The following ACSM4 variants were observed in gnomAD, a reference collection of about 807,000 sequenced individuals.
ACSM4 encodes acyl-CoA synthetase medium chain family member 4.
In ACSM4, 66 loss-of-function variants were observed where a neutral mutation model predicts 73.0. The observed-to-expected ratio is 0.90, with a 90% confidence interval of 0.74 to 1.11. The LOEUF is 1.11. Ranked by LOEUF, ACSM4 falls within the 50% of genes least tolerant of loss-of-function variation. ACSM4 has a pLI of 0.00. For synonymous variants in ACSM4, 222 were observed against 254.0 expected (o/e 0.87, Z 1.20); for missense variants, 645 against 714.4 (o/e 0.90, Z 1.11).
chr12:7,305,277 T>C (rs892356493), intron 1 of ACSM4, among the ~76,000 whole-genome samples: 1 of 152,256 alleles, frequency 6.6e-6, no homozygotes, highest in Non-Finnish European at 1.5e-5. Context: ...GTTTTCAGCA[T>C]ATTTATTTTT....
At chr12:7,324,208 A>C in intron 9 of ACSM4, 65 bp from the exon 10 acceptor site, 1 of 1,575,686 alleles carries the variant, frequency 6.3e-7, no homozygotes, top group African/African-American at 1.3e-5. Context: ...CTAGTCACTT[A>C]ATGAGTGCCA....
In ACSM4 at chr12:7,326,967, C is replaced by T; in HGVS notation, c.1537-9C>T. ...AAATGAGCAAGATAAATTAACTTTT[C>T]TGTTGCAGGTGGTGAAAGCTTTTGT... On this transcript the variant is annotated splice_polypyrimidine_tract_variant and intron_variant, in intron 11 of 12. Transcript: ENST00000399422. The T allele has an allele frequency of 6.3e-7, 1 of 1,589,178 alleles. No individual in the cohort carries two copies.
At chr12:7,317,115 T>C in intron 3 of ACSM4, 22 bp from the exon 4 acceptor site, 1 of 1,601,300 alleles carries the variant, frequency 6.2e-7, no homozygotes, top group Non-Finnish European at 8.5e-7. Context: ...TCCACCGCCA[T>C]CTTGGGGTCC....
chr12:7,306,503 C>T (rs1474734885), intron 1 of ACSM4, 30 bp from the exon 2 acceptor site: 4 of 1,548,606 alleles, frequency 2.6e-6, no homozygotes, highest in Middle Eastern at 4.2e-4. Context: ...TGTAAACCTA[C>T]CCCTCTCTTT....
rs373566672 is a variant in ACSM4 at position 7,323,526 on chromosome 12, C to A, written c.1274C>A (p.Pro425His). The change falls in exon 9 of 13, where the codon CCT becomes CAT. Residue 425 changes from proline to histidine, a missense_variant. Pro to His is a moderately conservative substitution (Grantham distance 77). Transcript: ENST00000399422. ...KEGEIALRLK[P>H]TRPFCFFSKY... ...GGGGAAATTGCCCTCAGACTCAAAC[C>A]TACACGGCCCTTCTGTTTCTTCTCT... 3.9e-5 allele frequency: 63 copies of A among 1,613,702 alleles called. No individual in the cohort carries two copies. The highest frequency in any genetic ancestry group is 5.1e-5 in the Non-Finnish European group (60 of 1,179,768).
chr12:7,305,238 C>T (rs1946355732), intron 1 of ACSM4, among the ~76,000 whole-genome samples: 1 of 152,188 alleles, frequency 6.6e-6, no homozygotes, highest in Non-Finnish European at 1.5e-5. Context: ...AGCTAATCAT[C>T]TCTAGATAAA....
chr12:7,324,122 C>A, intron 9 of ACSM4, 151 bp from the exon 10 acceptor site: 1 of 913,170 alleles, frequency 1.1e-6, no homozygotes, highest in Non-Finnish European at 1.6e-6. Flanking sequence ...AGGCTGCAGG[C>A]TCCAGTCTAG....
intron 11 of ACSM4, among the ~76,000 whole-genome samples, chr12:7,324,877 TAA>T (rs1348292278): frequency 1.3e-5 from 2 of 152,120 alleles, no homozygotes; most frequent in Non-Finnish European, 2.9e-5. Flanking sequence ...GACAAGTACT[TAA>T]GTACAGCCAC....
chr12:7,319,644 C>G (rs1946445310), intron 5 of ACSM4, among the ~76,000 whole-genome samples: 1 of 151,766 alleles, frequency 6.6e-6, no homozygotes, highest in East Asian at 1.9e-4. Context: ...CCTTGCCCCG[C>G]CACTCACCTC....
At chr12:7,325,034 C>T (rs747381315) in intron 11 of ACSM4, among the ~76,000 whole-genome samples, 1 of 152,310 alleles carries the variant, frequency 6.6e-6, no homozygotes, top group South Asian at 2.1e-4. Flanking sequence ...ACCCTCCACC[C>T]CTTCAGGGAA....
Position 7,310,616 on chromosome 12 carries a change from T to G in ACSM4, c.490T>G (p.Cys164Gly). Residue 164 changes from cysteine to glycine, a missense_variant, in exon 3 of 13, where the codon TGC (cysteine) becomes GGC (glycine). Cys to Gly is a radical substitution (Grantham distance 159). Coordinates refer to ENST00000399422, the MANE Select transcript of ACSM4 (RefSeq NM_001080454.2). ...CCGGCTGCGAGCATCCAAGGCCAAG[T>G]GCATTGTGGCCAGTGAGGAGGTGGC... ...LYRLRASKAK[C>G]IVASEEVAPA... 6.2e-7 allele frequency: 1 copy of G among 1,613,250 alleles called. No individual in the cohort carries two copies. Among genetic ancestry groups the G allele is most frequent in the Non-Finnish European group, 8.5e-7 (1 of 1,179,638 alleles).
chr12:7,304,878 A>C (rs1946353452), intron 1 of ACSM4, among the ~76,000 whole-genome samples: 1 of 152,208 alleles, frequency 6.6e-6, no homozygotes, highest in Non-Finnish European at 1.5e-5. Context: ...TTTTGATTTT[A>C]TGAATACAGT....
At chr12:7,323,931 C>G (rs949459751) in intron 9 of ACSM4, among the ~76,000 whole-genome samples, 2 of 152,062 alleles carry the variant, frequency 1.3e-5, no homozygotes, top group Non-Finnish European at 2.9e-5. Context: ...AATTTCAGCA[C>G]TTTAGGAGGC....
chr12:7,309,928 C>T (rs186947878), intron 2 of ACSM4, among the ~76,000 whole-genome samples: 160 of 152,200 alleles, frequency 1.1e-3, no homozygotes, highest in African/African-American at 3.5e-3. Flanking sequence ...GGACTATAGG[C>T]GTGCGCCACC....
chr12:7,323,915 G>A (rs989076322), intron 9 of ACSM4, among the ~76,000 whole-genome samples: 3 of 152,028 alleles, frequency 2.0e-5, no homozygotes, highest in South Asian at 2.1e-4. Flanking sequence ...AGTGGCTCAC[G>A]GCTATAATTT....
At chr12:7,310,104 A>T (rs777902205) in intron 2 of ACSM4, among the ~76,000 whole-genome samples, 2 of 152,186 alleles carry the variant, frequency 1.3e-5, no homozygotes, top group Non-Finnish European at 2.9e-5. Context: ...ATTGGTTTAG[A>T]GAATTGAATG....
At chr12:7,305,591 A>T (rs1946357331) in intron 1 of ACSM4, among the ~76,000 whole-genome samples, 1 of 152,224 alleles carries the variant, frequency 6.6e-6, no homozygotes, top group African/African-American at 2.4e-5. Flanking sequence ...AAGGCCACAC[A>T]GGTCCAACAG....
At chr12:7,310,065 G>A (rs992758117) in intron 2 of ACSM4, among the ~76,000 whole-genome samples, 1 of 152,202 alleles carries the variant, frequency 6.6e-6, no homozygotes, top group Non-Finnish European at 1.5e-5. Context: ...GGGATTACAG[G>A]CCCAAGCCAC....
intron 6 of ACSM4, among the ~76,000 whole-genome samples, chr12:7,321,685 G>A (rs528585834): frequency 1.6e-3 from 250 of 152,356 alleles, no homozygotes; most frequent in Non-Finnish European, 3.1e-3. Context: ...ATGAGAAGCA[G>A]GCTGTTCCAG....
Sources: allele counts gnomAD v4.1 joint callset (sites outside exome capture counted in the v4.1 genomes callset), GRCh38; gene constraint gnomAD v4.1.1; transcripts MANE v1.5; gene names NCBI Gene and HGNC (gene_info 2026-07-23, HGNC 2026-07-21).